Variants in FHOD3 observed in about 807,000 individuals in gnomAD.
The protein encoded by FHOD3 is FH1/FH2 domain-containing protein 3.
Under a neutral mutation model 173.0 loss-of-function variants are expected in FHOD3, and 90 were observed. The ratio of observed to expected loss-of-function variants is 0.52; its 90% CI spans 0.44 to 0.62. The LOEUF (loss-of-function observed/expected upper bound fraction) is 0.62, where lower values mean the gene tolerates loss of function less well. Among genes scored for constraint, FHOD3 ranks in the 20% least tolerant of loss-of-function variants. The pLI, the probability that FHOD3 is intolerant of heterozygous loss-of-function variation, is 0.00. For missense variants in FHOD3, 1,945 were observed against 2,034.7 expected, an observed-to-expected ratio of 0.96 and a Z score of 0.85; for synonymous variants, 828 against 823.0, an observed-to-expected ratio of 1.01 and a Z score of -0.10.
chr18:36,319,986 A>C (rs2044313004), intron 1 of FHOD3, among the ~76,000 whole-genome samples: 1 of 152,242 alleles, frequency 6.6e-6, no homozygotes, highest in African/African-American at 2.4e-5. Context: ...CATTTAAAGC[A>C]GTATGTAGAG....
intron 27 of FHOD3, among the ~76,000 whole-genome samples, chr18:36,762,970 CGTATTATATACGTTAT>C (rs2042951550): frequency 9.1e-6 from 1 of 110,432 alleles, no homozygotes; most frequent in African/African-American, 3.1e-5. Context: ...GTTATATATG[CGTATTATATACGTTAT>C]ATATGCGTAT....
chr18:36,527,104 G>A (rs768568356), intron 5 of FHOD3, among the ~76,000 whole-genome samples: 2 of 152,160 alleles, frequency 1.3e-5, no homozygotes, highest in East Asian at 1.9e-4. Flanking sequence ...AACACTGGCC[G>A]GCTGGCTGTT....
intron 5 of FHOD3, among the ~76,000 whole-genome samples, chr18:36,513,127 T>G (rs1487624903): frequency 6.6e-6 from 1 of 152,038 alleles, no homozygotes; most frequent in East Asian, 1.9e-4. Flanking sequence ...TTAATGGTGT[T>G]TTTATAGTCA....
At chr18:36,463,506 T>C (rs2052711552) in intron 3 of FHOD3, among the ~76,000 whole-genome samples, 1 of 147,958 alleles carries the variant, frequency 6.8e-6, no homozygotes, top group Admixed American at 6.8e-5. Context: ...AAAAAATATA[T>C]ATATTTTTTG....
In FHOD3 at chr18:36,513,335, T is replaced by G. The variant is rs140089656; in HGVS notation, c.511+792T>G. On this transcript the variant is annotated intron_variant, in intron 5 of 28. Transcript: ENST00000590592. Reference sequence around the variant, plus strand: ...ATCTACATTTTCCAGTTGAAGAAAATTGAGACTCAAAGAAGTCATTAAATA... The same window carrying G: ...ATCTACATTTTCCAGTTGAAGAAAAGTGAGACTCAAAGAAGTCATTAAATA... 4.5e-3 allele frequency among the ~76,000 whole-genome samples: 687 copies of G among 152,234 alleles called. 3 individuals carry two copies. Among genetic ancestry groups the G allele is most frequent in the African/African-American group, 0.016 (645 of 41,546 alleles).
In FHOD3 at chr18:36,755,114, T is replaced by C. The variant is rs1398364672; in HGVS notation, c.4233-5T>C. ...GTCATTGCTATTACTGTTTTTTCCTTGCAGATTCCACTCCTTTTTACTCTT... is the reference window on the plus strand; with the variant it reads ...GTCATTGCTATTACTGTTTTTTCCTCGCAGATTCCACTCCTTTTTACTCTT... On this transcript the variant is annotated splice_region_variant and splice_polypyrimidine_tract_variant and intron_variant, in intron 24 of 28. Coordinates refer to ENST00000590592, the MANE Select transcript of FHOD3 (RefSeq NM_001281740.3). 4 of 1,555,658 alleles carry C rather than the reference T, an allele frequency of 2.6e-6. No individual in the cohort carries two copies. The highest frequency in any genetic ancestry group is 3.5e-6 in the Non-Finnish European group (4 of 1,152,752).
chr18:36,428,323 G>A (rs1307777750), intron 3 of FHOD3, among the ~76,000 whole-genome samples: 1 of 152,168 alleles, frequency 6.6e-6, no homozygotes, highest in Non-Finnish European at 1.5e-5. Flanking sequence ...TGTGTAGTAA[G>A]CGTTAAAGGA....
intron 4 of FHOD3, among the ~76,000 whole-genome samples, chr18:36,510,373 CATTA>C (rs1373651632): frequency 1.3e-5 from 2 of 152,154 alleles, no homozygotes; most frequent in African/African-American, 4.8e-5. Context: ...TTTTTTTCCA[CATTA>C]ATTATCAATA....
chr18:36,320,691 G>T (rs80221717), intron 1 of FHOD3, among the ~76,000 whole-genome samples: 1 of 152,164 alleles, frequency 6.6e-6, no homozygotes, highest in Non-Finnish European at 1.5e-5. Flanking sequence ...TTAAGACTGG[G>T]TTCCTGGTAT....
At chr18:36,389,095 AG>A (rs1175188216) in intron 3 of FHOD3, among the ~76,000 whole-genome samples, 1 of 152,204 alleles carries the variant, frequency 6.6e-6, no homozygotes, top group Non-Finnish European at 1.5e-5. Context: ...GTGATGATAT[AG>A]GACATCTGAA....
chr18:36,626,200 C>T (rs1467208737), intron 10 of FHOD3, among the ~76,000 whole-genome samples: 3 of 152,088 alleles, frequency 2.0e-5, no homozygotes, highest in Non-Finnish European at 4.4e-5. Flanking sequence ...ATATGAGTTT[C>T]CAAATAGCTG....
At chr18:36,484,657 G>A (rs367580314) in intron 3 of FHOD3, among the ~76,000 whole-genome samples, 2 of 152,108 alleles carry the variant, frequency 1.3e-5, no homozygotes, top group African/African-American at 4.8e-5. Flanking sequence ...CTCTGCAGTC[G>A]ATGTTTGAGG....
rs768815930 is a variant in FHOD3 at position 36,501,973 on chromosome 18, C to G, written c.379C>G (p.Leu127Val). Residue 127 changes from leucine (L) to valine (V), a missense_variant, in exon 4 of 29, where the codon CTC becomes GTC. By Grantham distance (32) the Leu-to-Val change is conservative. Around this residue, in one of 5 missense-constraint regions of FHOD3, gnomAD observed 245 missense variants for 267.7 expected, o/e 0.92. Coordinates refer to ENST00000590592, the MANE Select transcript of FHOD3 (RefSeq NM_001281740.3). The part of the protein sequence containing the change: ...NSSGRDLRRA[L>V]FSLKQIFQDD... ...CAGCGGACGAGATTTGAGAAGGGCCCTCTTCTCCCTGAAGCAGATATTTCA... is the reference window on the plus strand; with the variant it reads ...CAGCGGACGAGATTTGAGAAGGGCCGTCTTCTCCCTGAAGCAGATATTTCA... 41 of 1,606,082 alleles carry G rather than the reference C, an allele frequency of 2.6e-5. No individual in the cohort carries two copies. The highest frequency in any genetic ancestry group is 3.5e-5 in the Non-Finnish European group (41 of 1,175,630).
chr18:36,350,599 C>G (rs2046077069), intron 1 of FHOD3, among the ~76,000 whole-genome samples: 1 of 152,146 alleles, frequency 6.6e-6, no homozygotes, highest in Admixed American at 6.5e-5. Context: ...TTCCAGGTCC[C>G]TTAAGTCACT....
intron 3 of FHOD3, among the ~76,000 whole-genome samples, chr18:36,481,079 A>G (rs558379181): frequency 4.7e-4 from 58 of 122,132 alleles, no homozygotes; most frequent in African/African-American, 1.5e-3. Context: ...TAAAAAGCTT[A>G]TAAGGCATTC....
chr18:36,544,329 G>A (rs2057336195), intron 5 of FHOD3, among the ~76,000 whole-genome samples: 1 of 152,264 alleles, frequency 6.6e-6, no homozygotes, highest in South Asian at 2.1e-4. Flanking sequence ...AGGGTGAAGA[G>A]CACATGCTGT....
At chr18:36,779,277 A>T (rs2043926313) in intron 28 of FHOD3, 171 bp from the exon 29 acceptor site, 1 of 601,018 alleles carries the variant, frequency 1.7e-6, no homozygotes, top group Non-Finnish European at 2.9e-6. Context: ...CCTGGCAGAC[A>T]GACTGCAGGG....
intron 23 of FHOD3, among the ~76,000 whole-genome samples, chr18:36,745,078 A>G (rs1451705278): frequency 6.6e-6 from 1 of 151,812 alleles, no homozygotes; most frequent in Non-Finnish European, 1.5e-5. Context: ...AAAGGTGGGG[A>G]AGGATGTGGG....
At chr18:36,555,521 A>C (rs958949104) in intron 5 of FHOD3, among the ~76,000 whole-genome samples, 3 of 152,142 alleles carry the variant, frequency 2.0e-5, no homozygotes, top group African/African-American at 7.2e-5. Context: ...TGTGTGGAAT[A>C]GCCTATAAAT....
Sources: allele counts gnomAD v4.1 joint callset (sites outside exome capture counted in the v4.1 genomes callset), GRCh38; gene constraint gnomAD v4.1.1; regional missense constraint gnomAD v4.1.1; transcripts MANE v1.5; gene names NCBI Gene and HGNC (gene_info 2026-07-23, HGNC 2026-07-21).